Variants in ACSL6 observed in about 807,000 individuals in gnomAD.
ACSL6 encodes acyl-CoA synthetase long chain family member 6, also known as long-chain-fatty-acid--CoA ligase 6.
A neutral mutation model predicts 98.2 loss-of-function variants in ACSL6; 47 were observed. That is an observed-to-expected ratio of 0.48 (90% CI 0.38 to 0.61). The LOEUF (loss-of-function observed/expected upper bound fraction) is 0.61. ACSL6 is among the 20% of genes least tolerant of loss of function. ACSL6 has a pLI of 0.00. For missense variants in ACSL6, 761 were observed against 913.4 expected, an observed-to-expected ratio of 0.83 and a Z score of 2.15; for synonymous variants, 362 against 336.9, an observed-to-expected ratio of 1.07 and a Z score of -0.82.
At chr5:131,993,456 A>G (rs1455539561) in intron 2 of ACSL6, 1 of 159,572 alleles carries the variant, frequency 6.3e-6, no homozygotes, top group African/African-American at 2.4e-5. Context: ...TCTATTCCAA[A>G]TGAACAGAAT....
rs976162404 is a variant in ACSL6 at position 132,011,644 on chromosome 5, G to A, written c.-91C>T. 73 of 1,254,968 alleles carry A rather than the reference G, an allele frequency of 5.8e-5. No homozygotes were observed. The highest frequency in any genetic ancestry group is 6.8e-5 in the Non-Finnish European group (68 of 996,922). The allele number at this position is 1,254,968 out of a possible 1,614,324, so 77.7% of individuals were successfully genotyped here. ...GCCCAGCAGCCCCAGCAGTAGCCGC[G>A]CCGCCGCCGCCGCTGCCGGGTATTT... On this transcript the variant is annotated 5_prime_UTR_variant, in exon 1 of 21. Coordinates refer to ENST00000651883, the MANE Select transcript of ACSL6 (RefSeq NM_001009185.3). This position sits in a 1 kb window ranked among gnomAD's most constrained non-coding sequence, Gnocchi z 5.4.
At chr5:131,992,745 A>T (rs1754592874) in intron 2 of ACSL6, among the ~76,000 whole-genome samples, 1 of 151,982 alleles carries the variant, frequency 6.6e-6, no homozygotes, top group African/African-American at 2.4e-5. Flanking sequence ...GAAAATCTCA[A>T]ATAGCTCCAC....
At chr5:131,965,331 GC>G (rs1331240958) in intron 17 of ACSL6, among the ~76,000 whole-genome samples, 1 of 152,170 alleles carries the variant, frequency 6.6e-6, no homozygotes, top group Non-Finnish European at 1.5e-5. Context: ...TCTCCTATGT[GC>G]CCGGTACTGT....
At chr5:131,970,867 C>T (rs1753269177) in intron 14 of ACSL6, among the ~76,000 whole-genome samples, 1 of 152,180 alleles carries the variant, frequency 6.6e-6, no homozygotes, top group Admixed American at 6.5e-5. Flanking sequence ...CTATTCCCCT[C>T]CAGAGCCCCA....
intron 1 of ACSL6, among the ~76,000 whole-genome samples, chr5:131,999,831 T>C (rs1185718550): frequency 6.6e-6 from 1 of 152,130 alleles, no homozygotes; most frequent in Non-Finnish European, 1.5e-5. Flanking sequence ...TGCCAGAGCC[T>C]CAGCTTACAC....
At chr5:131,990,275 G>A (rs1316450304) in intron 3 of ACSL6, 111 bp from the exon 4 acceptor site, 1 of 1,085,970 alleles carries the variant, frequency 9.2e-7, no homozygotes, top group Non-Finnish European at 1.4e-6. Flanking sequence ...TGTGTCCATG[G>A]GCCAAGTGAA....
chr5:131,959,566 TC>T lies in ACSL6; in HGVS notation c.2000del (p.Gly667GlufsTer29). 1 of 1,614,206 alleles carries T rather than the reference TC, an allele frequency of 6.2e-7. No individual in the cohort carries two copies. The highest frequency in any genetic ancestry group is 8.5e-7 in the Non-Finnish European group (1 of 1,180,026). ...CAAAAGAATGGAGTCCACTTTCTTT[TC>T]CTAACCTCACCATATCTTCCAAAAT... is the stretch of plus-strand genomic sequence containing the variant. ...KAILEDMVRL[G>X]KESGLHSFEQ... On this transcript the variant is annotated frameshift_variant, in exon 20 of 21. Transcript: ENST00000651883. LOFTEE classifies it high-confidence loss of function.
intron 20 of ACSL6, among the ~76,000 whole-genome samples, chr5:131,957,437 T>A (rs1752470572): frequency 6.6e-6 from 1 of 152,262 alleles, no homozygotes; most frequent in South Asian, 2.1e-4. Context: ...CCCAGCCACC[T>A]ATCTACTCAT....
chr5:131,989,909 C>A (rs1754414841), intron 4 of ACSL6, among the ~76,000 whole-genome samples, 191 bp downstream of exon 4: 1 of 152,202 alleles, frequency 6.6e-6, no homozygotes, highest in Non-Finnish European at 1.5e-5. Flanking sequence ...TCTTATAGAT[C>A]TGAGGGACCT....
intron 17 of ACSL6, among the ~76,000 whole-genome samples, chr5:131,963,701 C>T (rs1334993932): frequency 6.6e-6 from 1 of 152,136 alleles, no homozygotes; most frequent in Non-Finnish European, 1.5e-5. Context: ...CCAGCAAAAC[C>T]ACTTTCTGAC....
At position 131,976,736 on chromosome 5, in the gene ACSL6, C is replaced by A. The variant is rs758167492; in HGVS notation, c.917-15G>T. 8 of 1,613,196 alleles carry A rather than the reference C, an allele frequency of 5.0e-6. No homozygotes were observed. In the South Asian group the frequency reaches 5.5e-5, roughly 11 times the overall value. On this transcript the variant is annotated splice_polypyrimidine_tract_variant and intron_variant, in intron 9 of 20. Coordinates refer to ENST00000651883, the MANE Select transcript of ACSL6 (RefSeq NM_001009185.3). ...TTTTGGGTTCCCTATAAAAAGAAAG[C>A]AAGAAGTCAAATTAGTTGGAAACTC... is the stretch of plus-strand genomic sequence containing the variant.
intron 10 of ACSL6, 178 bp from the exon 11 acceptor site, chr5:131,975,148 G>A: frequency 7.1e-7 from 1 of 1,409,012 alleles, no homozygotes; most frequent in Non-Finnish European, 9.3e-7. Flanking sequence ...AAATGAGAGA[G>A]AGAGGGAGAG....
intron 18 of ACSL6, among the ~76,000 whole-genome samples, chr5:131,962,327 G>T (rs1016211583): frequency 3.3e-5 from 5 of 152,190 alleles, no homozygotes; most frequent in African/African-American, 1.2e-4. Context: ...AAAGGAATGG[G>T]AATGTTCATT....
At chr5:132,004,853 T>C (rs1053475513) in intron 1 of ACSL6, among the ~76,000 whole-genome samples, 1 of 152,102 alleles carries the variant, frequency 6.6e-6, no homozygotes, top group Non-Finnish European at 1.5e-5. Context: ...AGAATATGCA[T>C]GAGTTGGCTG....
At chr5:131,961,026 G>A (rs1462727510) in intron 18 of ACSL6, 1 of 159,586 alleles carries the variant, frequency 6.3e-6, no homozygotes, top group Non-Finnish European at 1.4e-5. Context: ...ACTTCATTTT[G>A]TTTATTTTTT....
At chr5:131,979,190 C>T (rs1485852645) in intron 9 of ACSL6, among the ~76,000 whole-genome samples, 1 of 152,222 alleles carries the variant, frequency 6.6e-6, no homozygotes, top group African/African-American at 2.4e-5. Flanking sequence ...CCTGGGCCCA[C>T]AGAGTACCTG....
At chr5:131,991,890 C>T (rs570790932) in intron 2 of ACSL6, among the ~76,000 whole-genome samples, 3 of 152,312 alleles carry the variant, frequency 2.0e-5, no homozygotes, top group African/African-American at 7.2e-5. Flanking sequence ...CGACTGTTTT[C>T]GAGTGGAAAG....
In ACSL6 at chr5:131,972,750, C is replaced by G; in HGVS notation, c.1312G>C (p.Asp438His). The G allele has an allele frequency of 6.2e-7, 1 of 1,614,164 alleles. No homozygotes were observed. The change falls in exon 13 of 21, where the codon GAT becomes CAT. Residue 438 changes from aspartate to histidine, a missense_variant. Asp to His is a moderately conservative substitution (Grantham distance 81, BLOSUM62 -1). Transcript: ENST00000651883. ...SGIIRNDSIW[D>H]ELFFNKIQAS... ...TGAATCTTATTAAAGAAGAGTTCAT[C>G]CCAGATACTATCATTCCTGATGATT...
intron 1 of ACSL6, among the ~76,000 whole-genome samples, chr5:132,004,901 G>A (rs532920891): frequency 6.6e-6 from 1 of 152,304 alleles, no homozygotes; most frequent in South Asian, 2.1e-4. Context: ...AGCACTTTGG[G>A]AGGCTGAGAT....
Sources: allele counts gnomAD v4.1 joint callset (sites outside exome capture counted in the v4.1 genomes callset), GRCh38; gene constraint gnomAD v4.1.1; non-coding constraint Gnocchi (gnomAD v3.1); transcripts MANE v1.5; gene names NCBI Gene and HGNC (gene_info 2026-07-23, HGNC 2026-07-21).